MROH2B: variants seen among roughly 807,000 people sequenced by gnomAD.
MROH2B encodes maestro heat-like repeat-containing protein family member 2B.
MROH2B carries 177 observed loss-of-function variants against 208.6 expected under a neutral mutation model. That is an observed-to-expected ratio of 0.85 (90% CI 0.75 to 0.96). The LOEUF is 0.96. MROH2B is among the 40% of genes least tolerant of loss of function. The pLI is 0.00. For synonymous variants in MROH2B, 728 were observed against 659.0 expected (o/e 1.10, Z -1.60); for missense variants, 2,002 against 1,878.7 (o/e 1.07, Z -1.21).
At chr5:41,019,137 A>C in intron 24 of MROH2B, 119 bp from the exon 25 acceptor site, 75 of 1,250,338 alleles carry the variant, frequency 6.0e-5, no homozygotes, top group Non-Finnish European at 8.0e-5. Context: ...ACATTTTCTG[A>C]CACGTTGGGA....
intron 33 of MROH2B, 47 bp downstream of exon 33, chr5:41,008,559 C>G: frequency 6.3e-7 from 1 of 1,598,574 alleles, no homozygotes; most frequent in Non-Finnish European, 8.5e-7. Context: ...CTCCTGGAGT[C>G]TGGGATTAGG....
intron 24 of MROH2B, among the ~76,000 whole-genome samples, chr5:41,024,436 G>A: frequency 6.6e-6 from 1 of 152,128 alleles, no homozygotes; most frequent in Admixed American, 6.6e-5. Context: ...AAGAGACAAA[G>A]AAGGCCATTA....
intron 2 of MROH2B, among the ~76,000 whole-genome samples, chr5:41,067,792 G>C (rs909991001): frequency 6.6e-6 from 1 of 152,192 alleles, no homozygotes; most frequent in African/African-American, 2.4e-5. Context: ...ACAACCAGGA[G>C]AGGCTACCTG....
rs541511865 is a variant in MROH2B, at chr5:41,058,146, C to T, written c.673G>A (p.Asp225Asn). The T allele has an allele frequency of 6.2e-7, 1 of 1,607,172 alleles. No homozygotes were observed. Among genetic ancestry groups the T allele is most frequent in the Admixed American group, 1.7e-5 (1 of 59,002 alleles). Residue 225 changes from aspartate to asparagine, a missense_variant, in exon 7 of 42, where the codon GAC becomes AAC. Asp to Asn is a conservative substitution (Grantham distance 23). Coordinates refer to ENST00000399564, the MANE Select transcript of MROH2B (RefSeq NM_173489.5). The part of the protein sequence containing the change: ...PTVSLLLHRE[D>N]FRGYALGQVP... ...TGGCCCAGGGCGTATCCACGGAAGTCTTCCCGATGCAGCAGCAAGCTCACC... is the reference window on the plus strand; with the variant it reads ...TGGCCCAGGGCGTATCCACGGAAGTTTTCCCGATGCAGCAGCAAGCTCACC...
At chr5:41,018,494 T>G (rs985880543) in intron 26 of MROH2B, 64 bp from the exon 27 acceptor site, 171 of 1,537,250 alleles carry the variant, frequency 1.1e-4, no homozygotes, top group Non-Finnish European at 1.5e-4. Context: ...TTTCATATTC[T>G]CTTTTTCTGT....
intron 29 of MROH2B, among the ~76,000 whole-genome samples, chr5:41,013,515 T>C (rs1442023587): frequency 2.0e-5 from 3 of 152,246 alleles, no homozygotes; most frequent in Non-Finnish European, 4.4e-5. Context: ...CACTAGAGCG[T>C]TCCTATTTAC....
intron 24 of MROH2B, 27 bp from the exon 25 acceptor site, chr5:41,019,045 G>C: frequency 6.2e-7 from 1 of 1,613,200 alleles, no homozygotes; most frequent in Admixed American, 1.7e-5. Context: ...GTGGAGGAAT[G>C]GATATTACAG....
chr5:41,054,913 C>T (rs1322022685), intron 10 of MROH2B, 73 bp from the exon 11 acceptor site: 5 of 1,073,974 alleles, frequency 4.7e-6, no homozygotes, highest in Non-Finnish European at 6.7e-6. Flanking sequence ...TGATGAAAAG[C>T]TATTAGAATT....
At chr5:41,014,443 AG>A (rs1330810032) in intron 29 of MROH2B, among the ~76,000 whole-genome samples, 9 of 152,090 alleles carry the variant, frequency 5.9e-5, no homozygotes, top group Non-Finnish European at 5.9e-5. Flanking sequence ...GTTGTGGGGT[AG>A]GGGGGTGCGG....
intron 6 of MROH2B, among the ~76,000 whole-genome samples, chr5:41,060,769 A>C: frequency 6.6e-6 from 1 of 152,238 alleles, no homozygotes; most frequent in South Asian, 2.1e-4. Flanking sequence ...TTTGTTTTCC[A>C]GGTGTCTTGA....
Position 41,009,423 on chromosome 5 carries a change from G to A in MROH2B, c.3294-17C>T, listed in dbSNP as rs1307531671. On this transcript the variant is annotated splice_polypyrimidine_tract_variant and intron_variant, in intron 31 of 41. Coordinates refer to ENST00000399564, the MANE Select transcript of MROH2B (RefSeq NM_173489.5). ...TTTGTGTCCCTAGGGTGGCAAAGCA[G>A]GAAATTGGTAGATAAGGCACAACCC... 6.2e-7 allele frequency: 1 copy of A among 1,611,974 alleles called. No individual in the cohort carries two copies. Among genetic ancestry groups the A allele is most frequent in the Admixed American group, 1.7e-5 (1 of 59,926 alleles).
chr5:41,047,871 CT>C, intron 16 of MROH2B, 107 bp from the exon 17 acceptor site: 1 of 949,818 alleles, frequency 1.1e-6, no homozygotes, highest in Non-Finnish European at 1.6e-6. Context: ...TTTAAGCTTT[CT>C]TTTTGCTCAT....
In MROH2B at chr5:41,007,457, A is replaced by G. The variant is rs1410485854; in HGVS notation, c.3609-3T>C. On this transcript the variant is annotated splice_polypyrimidine_tract_variant and splice_region_variant and intron_variant, in intron 33 of 41. Transcript: ENST00000399564. ...ATTTTAAAGTAGCAGTTGAAAGCCT[A>G]AAGGAGACAGTCAGCATTACAAAAC... 4.5e-6 allele frequency: 7 copies of G among 1,561,904 alleles called. No individual in the cohort carries two copies. The highest frequency in any genetic ancestry group is 5.2e-6 in the Non-Finnish European group (6 of 1,156,502).
chr5:41,008,892 AAC>A, intron 32 of MROH2B, 99 bp from the exon 33 acceptor site: 1 of 1,219,062 alleles, frequency 8.2e-7, no homozygotes, highest in South Asian at 1.6e-5. Flanking sequence ...CACCAGTAAA[AAC>A]ACACAGAAAA....
At chr5:41,027,393 C>G (rs556340271) in intron 24 of MROH2B, among the ~76,000 whole-genome samples, 2 of 152,178 alleles carry the variant, frequency 1.3e-5, no homozygotes, top group Non-Finnish European at 2.9e-5. Flanking sequence ...TGAACAGACA[C>G]TTCTCAAAAG....
chr5:41,000,873 G>T (rs1741377519), intron 37 of MROH2B, 40 bp from the exon 38 acceptor site: 2 of 1,579,180 alleles, frequency 1.3e-6, no homozygotes, highest in African/African-American at 1.4e-5. Context: ...TATCCTCTCA[G>T]AGGCCATTCC....
At chr5:41,040,073 G>A (rs533257413) in intron 19 of MROH2B, among the ~76,000 whole-genome samples, 85 of 152,264 alleles carry the variant, frequency 5.6e-4, no homozygotes, top group African/African-American at 2.0e-3. Context: ...AGGAGGTGGC[G>A]GGTTCATTAC....
chr5:41,059,854 A>G (rs1227837354), intron 6 of MROH2B, among the ~76,000 whole-genome samples: 1 of 152,130 alleles, frequency 6.6e-6, no homozygotes, highest in Admixed American at 6.5e-5. Flanking sequence ...AAACAACTCC[A>G]TCTAAATCCA....
At chr5:41,057,705 C>T (rs180977548) in intron 7 of MROH2B, among the ~76,000 whole-genome samples, 3,275 of 151,522 alleles carry the variant, frequency 0.022, 119 homozygotes, top group African/African-American at 0.075. Context: ...TATGGGCATG[C>T]GCCACCATGC....
Sources: allele counts gnomAD v4.1 joint callset (sites outside exome capture counted in the v4.1 genomes callset), GRCh38; gene constraint gnomAD v4.1.1; transcripts MANE v1.5; gene names NCBI Gene and HGNC (gene_info 2026-07-23, HGNC 2026-07-21).